Variants in IGHMBP2 observed in about 807,000 individuals in gnomAD.
The protein encoded by IGHMBP2 is DNA-binding protein SMUBP-2.
In IGHMBP2, 81 loss-of-function variants were observed where a neutral mutation model predicts 96.0. The ratio of observed to expected loss-of-function variants is 0.84; its 90% CI spans 0.71 to 1.01. The LOEUF (loss-of-function observed/expected upper bound fraction) is 1.01. Among genes scored for constraint, IGHMBP2 ranks in the 50% least tolerant of loss-of-function variants. The pLI, the probability that IGHMBP2 is intolerant of heterozygous loss-of-function variation, is 0.00. For missense variants in IGHMBP2, 1,227 were observed against 1,306.3 expected, an observed-to-expected ratio of 0.94 and a Z score of 0.94; for synonymous variants, 557 against 548.9, an observed-to-expected ratio of 1.01 and a Z score of -0.21.
rs372477029 is a variant in IGHMBP2, at chr11:68,929,276, G to C, written c.1154G>C (p.Cys385Ser). Residue 385 changes from cysteine (C) to serine (S), a missense_variant, in exon 8 of 15, where the codon TGC becomes TCC. Around this residue, in one of 3 missense-constraint regions of IGHMBP2, gnomAD observed 507 missense variants for 496.9 expected, o/e 1.02. Coordinates refer to ENST00000255078, the MANE Select transcript of IGHMBP2 (RefSeq NM_002180.3). Reference protein sequence around the residue: ...DECAQALEASCWIPLLKARKC... With the variant: ...DECAQALEASSWIPLLKARKC... Reference sequence around the variant, plus strand: ...TGTGCCCAGGCCCTCGAGGCGAGCTGCTGGATCCCCCTGCTGAAGGCCAGA... The same window carrying C: ...TGTGCCCAGGCCCTCGAGGCGAGCTCCTGGATCCCCCTGCTGAAGGCCAGA... 15 of 1,613,684 alleles carry C rather than the reference G, an allele frequency of 9.3e-6. No individual in the cohort carries two copies. Among genetic ancestry groups the C allele is most frequent in the Non-Finnish European group, 1.3e-5 (15 of 1,180,024 alleles).
intron 3 of IGHMBP2, 57 bp from the exon 4 acceptor site, chr11:68,908,477 G>A: frequency 6.7e-7 from 1 of 1,493,726 alleles, no homozygotes; most frequent in Admixed American, 1.7e-5. Flanking sequence ...CAGCATTGGG[G>A]CAGAGGCTCG....
chr11:68,917,760 A>AAG lies in IGHMBP2; in HGVS notation c.945_946dup (p.Lys316ArgfsTer12). The AAG allele has an allele frequency of 6.2e-7, 1 of 1,612,838 alleles. No homozygotes were observed. The highest frequency in any genetic ancestry group is 2.2e-5 in the East Asian group (1 of 44,878). On this transcript the variant is annotated frameshift_variant, in exon 7 of 15. Coordinates refer to ENST00000255078, the MANE Select transcript of IGHMBP2 (RefSeq NM_002180.3). LOFTEE classifies it high-confidence loss of function. ...GGTGAAAAACAAAAAGACCCAGGAT[A>AAG]AGAGAGAGAAAAGTAATTTTCGAAA...
chr11:68,908,055 A>C, intron 2 of IGHMBP2, 90 bp from the exon 3 acceptor site: 2 of 1,063,150 alleles, frequency 1.9e-6, no homozygotes, highest in Non-Finnish European at 2.9e-6. Context: ...TAACAAAGAT[A>C]AAATATTTGA....
At chr11:68,906,474 T>C in intron 2 of IGHMBP2, 2 of 561,644 alleles carry the variant, frequency 3.6e-6, no homozygotes, top group Non-Finnish European at 6.4e-6. Flanking sequence ...GGCTTGTAAT[T>C]GCCGCAGATA....
At position 68,936,953 on chromosome 11, in the gene IGHMBP2, C is replaced by T. The variant is rs759974087; in HGVS notation, c.2473C>T (p.Pro825Ser). ...TEQPPREQRG[P>S]DQPDLRTLHL... ...GCAGCCTCCCAGGGAGCAGCGTGGCCCAGACCAGCCTGATCTGAGGACGCT... is the reference window on the plus strand; with the variant it reads ...GCAGCCTCCCAGGGAGCAGCGTGGCTCAGACCAGCCTGATCTGAGGACGCT... Residue 825 changes from proline to serine, a missense_variant, in exon 13 of 15, where the codon CCA (proline) becomes TCA (serine). Pro to Ser is a moderately conservative substitution (Grantham distance 74). This residue lies in a region of IGHMBP2 where 703 missense variants were observed against 770.3 expected (regional missense o/e 0.91). Transcript: ENST00000255078. The T allele has an allele frequency of 1.2e-6, 2 of 1,604,810 alleles. No homozygotes were observed. The highest frequency in any genetic ancestry group is 2.2e-5 in the East Asian group (1 of 44,664).
intron 7 of IGHMBP2, among the ~76,000 whole-genome samples, chr11:68,919,250 TCTCTTCTTCTCTCCTCTCC>T (rs1858790255): frequency 7.2e-6 from 1 of 139,506 alleles, no homozygotes; most frequent in Non-Finnish European, 1.6e-5. Context: ...TCTCCTCTCC[TCTCTTCTTCTCTCCTCTCC>T]TCATCCCTGT....
At chr11:68,935,558 G>GCCTCTTGCAGTGTGGGGCTCCGTTTT in intron 12 of IGHMBP2, 136 bp downstream of exon 12, 4 of 1,062,352 alleles carry the variant, frequency 3.8e-6, no homozygotes, top group Non-Finnish European at 4.3e-6. Context: ...TCCTTAGTAA[G>GCCTCTTGCAGTGTGGGGCTCCGTTTT]TTCACGTCAG....
intron 6 of IGHMBP2, among the ~76,000 whole-genome samples, chr11:68,916,935 A>G (rs905119136): frequency 1.4e-5 from 2 of 144,102 alleles, no homozygotes; most frequent in Non-Finnish European, 3.0e-5. Flanking sequence ...CTAAAACTCC[A>G]TCCCCCAAAG....
At position 68,937,077 on chromosome 11, in the gene IGHMBP2, A is replaced by C; in HGVS notation, c.2597A>C (p.Lys866Thr). 6.3e-7 allele frequency: 1 copy of C among 1,598,908 alleles called. No homozygotes were observed. The highest frequency in any genetic ancestry group is 1.3e-5 in the African/African-American group (1 of 75,006). Residue 866 changes from lysine (K) to threonine (T), a missense_variant, in exon 13 of 15, where the codon AAG becomes ACG. Physicochemically the swap from Lys to Thr is moderately conservative, Grantham distance 78 (BLOSUM62 -1). Transcript: ENST00000255078. The part of the protein sequence containing the change: ...SGQQKLPEKK[K>T]KKAKGHPATD... ...CAGCAGAAACTTCCAGAAAAGAAAA[A>C]GAAAAAAGCCAAAGGTAAGTCAACT...
At chr11:68,919,187 C>CG (rs146017800) in intron 7 of IGHMBP2, among the ~76,000 whole-genome samples, 3 of 147,360 alleles carry the variant, frequency 2.0e-5, no homozygotes, top group Non-Finnish European at 3.0e-5. Context: ...CTCCCCTCCC[C>CG]TCCCCGTCCC....
intron 14 of IGHMBP2, among the ~76,000 whole-genome samples, chr11:68,938,760 C>T (rs1859645732): frequency 1.3e-5 from 2 of 152,116 alleles, no homozygotes; most frequent in South Asian, 4.1e-4. Flanking sequence ...ACCCCCTGGG[C>T]CAGGTGTGGG....
At chr11:68,922,951 A>G (rs1858933568) in intron 7 of IGHMBP2, among the ~76,000 whole-genome samples, 1 of 152,010 alleles carries the variant, frequency 6.6e-6, no homozygotes, top group Admixed American at 6.5e-5. Flanking sequence ...TATATCTTTG[A>G]TGTTCTTATT....
chr11:68,920,919 C>G (rs948652483), intron 7 of IGHMBP2, among the ~76,000 whole-genome samples: 15 of 152,204 alleles, frequency 9.9e-5, no homozygotes, highest in Admixed American at 4.6e-4. Flanking sequence ...GTAGCTAGTA[C>G]TGTAGGCATG....
At position 68,939,028 on chromosome 11, in the gene IGHMBP2, G is replaced by A. The variant is rs186720936; in HGVS notation, c.2785-506G>A. 7.9e-5 allele frequency among the ~76,000 whole-genome samples: 12 copies of A among 152,256 alleles called. No individual in the cohort carries two copies. In the East Asian group the frequency reaches 2.3e-3, roughly 29 times the overall value. ...CTGGGCTGGGAAGGACAGGGCCGAT[G>A]GCGGGTGGGCAGGCAGGCTATCCAC... On this transcript the variant is annotated intron_variant, in intron 14 of 14. Coordinates refer to ENST00000255078, the MANE Select transcript of IGHMBP2 (RefSeq NM_002180.3).
chr11:68,907,879 C>T lies in IGHMBP2; in HGVS notation c.257-266C>T, dbSNP rs185429743. Among the ~76,000 whole-genome samples, 84 of 152,118 alleles carry T rather than the reference C, an allele frequency of 5.5e-4. 1 individual carries two copies. The highest frequency in any genetic ancestry group is 2.0e-3 in the African/African-American group (81 of 41,516). On this transcript the variant is annotated intron_variant, in intron 2 of 14. Transcript: ENST00000255078. ...TAATTTTTTGTATTTTTAGTAGAGACGGGCTTTCACTGTGTTAGCCAGGAT... is the reference window on the plus strand; with the variant it reads ...TAATTTTTTGTATTTTTAGTAGAGATGGGCTTTCACTGTGTTAGCCAGGAT...
rs1859679287 is a variant in IGHMBP2, at chr11:68,939,704, C to A, written c.2955C>A (p.Thr985=). 2 of 1,611,736 alleles carry A rather than the reference C, an allele frequency of 1.2e-6. No individual in the cohort carries two copies. Among genetic ancestry groups the A allele is most frequent in the Non-Finnish European group, 8.5e-7 (1 of 1,179,392 alleles). Residue 985 remains threonine (T), a synonymous_variant, in exon 15 of 15, where the codon ACC becomes ACA. Transcript: ENST00000255078. The part of the protein sequence containing the change: ...KKLSELSNQR[T]SRRKERGT ...TGAGTGAGCTCAGCAACCAGAGGAC[C>A]AGCCGGAGGAAGGAGAGGGGGACGT... is the stretch of plus-strand genomic sequence containing the variant.
At chr11:68,925,285 G>A (rs1859024528) in intron 7 of IGHMBP2, among the ~76,000 whole-genome samples, 1 of 151,554 alleles carries the variant, frequency 6.6e-6, no homozygotes, top group Admixed American at 6.6e-5. Context: ...AGCTGGGATT[G>A]CAGGCGCATG....
At chr11:68,904,506 C>T (rs1858096168) in intron 1 of IGHMBP2, among the ~76,000 whole-genome samples, 1 of 152,080 alleles carries the variant, frequency 6.6e-6, no homozygotes, top group Non-Finnish European at 1.5e-5. Context: ...CGGCTGCGTG[C>T]GTGTCGCGGG....
intron 1 of IGHMBP2, 39 bp downstream of exon 1, chr11:68,904,077 C>T: frequency 6.7e-7 from 1 of 1,482,564 alleles, no homozygotes; most frequent in South Asian, 1.2e-5. Context: ...CGCGGTCGGT[C>T]CCGCCGTGTC....
Sources: allele counts gnomAD v4.1 joint callset (sites outside exome capture counted in the v4.1 genomes callset), GRCh38; gene constraint gnomAD v4.1.1; regional missense constraint gnomAD v4.1.1; transcripts MANE v1.5; gene names NCBI Gene and HGNC (gene_info 2026-07-23, HGNC 2026-07-21).